The following ASXL2 variants were observed in gnomAD, a reference collection of about 807,000 sequenced individuals.
ASXL2 encodes putative Polycomb group protein ASXL2.
Under a neutral mutation model 122.0 loss-of-function variants are expected in ASXL2, and 23 were observed. The ratio of observed to expected loss-of-function variants is 0.19; its 90% CI spans 0.14 to 0.27. The LOEUF is 0.27. Among genes scored for constraint, ASXL2 ranks in the 10% least tolerant of loss-of-function variants. The pLI is 1.00. For synonymous variants in ASXL2, 650 were observed against 637.0 expected (o/e 1.02, Z -0.31); for missense variants, 1,518 against 1,713.8 (o/e 0.89, Z 2.02).
At chr2:25,871,480 CA>C (rs1206421682) in intron 1 of ASXL2, among the ~76,000 whole-genome samples, 4 of 143,972 alleles carry the variant, frequency 2.8e-5, no homozygotes, top group African/African-American at 7.9e-5. Context: ...TTTAAGTGTT[CA>C]AAAAAAAATC....
rs752902849 is a variant in ASXL2 at position 25,742,463 on chromosome 2, T to C, written c.3874A>G (p.Thr1292Ala). 3 of 1,612,940 alleles carry C rather than the reference T, an allele frequency of 1.9e-6. No homozygotes were observed. The highest frequency in any genetic ancestry group is 2.5e-6 in the Non-Finnish European group (3 of 1,179,398). The stretch of plus-strand genomic sequence containing the variant: ...CTGTCTGCAGGCAGAGGAAGAACAG[T>C]AGAACTGAAAAGCTCGGGGCTGCTA... ...IRSSPELFSS[T>A]VLPLPADSPT... Residue 1292 changes from threonine to alanine, a missense_variant, in exon 13 of 13, where the codon ACT (threonine) becomes GCT (alanine). Transcript: ENST00000435504.
At chr2:25,845,664 C>T (rs887143146) in intron 1 of ASXL2, 101 bp from the exon 2 acceptor site, 2 of 450,990 alleles carry the variant, frequency 4.4e-6, no homozygotes, top group Non-Finnish European at 6.9e-6. Context: ...AAATTAATAA[C>T]CCAATTATTC....
At chr2:25,765,718 A>G (rs1474206699) in intron 8 of ASXL2, among the ~76,000 whole-genome samples, 1 of 152,112 alleles carries the variant, frequency 6.6e-6, no homozygotes, top group African/African-American at 2.4e-5. Context: ...GTACCTCTAC[A>G]TTTCTTTTGC....
At chr2:25,850,292 T>C (rs1257066388) in intron 1 of ASXL2, among the ~76,000 whole-genome samples, 1 of 152,338 alleles carries the variant, frequency 6.6e-6, no homozygotes. Context: ...ACAGTTGGTT[T>C]GTTCAAATCA....
chr2:25,830,382 A>G (rs776594776), intron 3 of ASXL2, among the ~76,000 whole-genome samples: 1 of 152,244 alleles, frequency 6.6e-6, no homozygotes, highest in Non-Finnish European at 1.5e-5. Flanking sequence ...CTGTAATCCC[A>G]GCACTTTGGG....
chr2:25,784,915 A>C (rs903361895), intron 5 of ASXL2, among the ~76,000 whole-genome samples: 4 of 152,256 alleles, frequency 2.6e-5, no homozygotes, highest in East Asian at 1.9e-4. Flanking sequence ...AATTTGAAGC[A>C]TAACACTTGT....
At chr2:25,836,681 C>T (rs2089515694) in intron 2 of ASXL2, among the ~76,000 whole-genome samples, 1 of 152,204 alleles carries the variant, frequency 6.6e-6, no homozygotes, top group South Asian at 2.1e-4. Flanking sequence ...CTGGGTGGTT[C>T]CCAGAGTTCT....
intron 5 of ASXL2, among the ~76,000 whole-genome samples, chr2:25,792,386 T>C (rs1168784225): frequency 6.6e-6 from 1 of 152,210 alleles, no homozygotes; most frequent in Non-Finnish European, 1.5e-5. Flanking sequence ...ATTATAACTT[T>C]ATCCTCCAAT....
intron 3 of ASXL2, among the ~76,000 whole-genome samples, chr2:25,817,926 T>C (rs1423386626): frequency 6.6e-6 from 1 of 152,216 alleles, no homozygotes. Context: ...CTGAGAAAAC[T>C]AGTGGTTTTA....
intron 1 of ASXL2, among the ~76,000 whole-genome samples, chr2:25,846,243 C>G (rs1157812478): frequency 6.6e-6 from 1 of 152,172 alleles, no homozygotes; most frequent in Non-Finnish European, 1.5e-5. Context: ...GTTTTTCCCC[C>G]CTTTCCTTTT....
Position 25,854,206 on chromosome 2 carries a change from C to T in ASXL2, c.58-8643G>A, listed in dbSNP as rs527243364. ...TTATCCAAAAAGTCTGGAGGTTATA[C>T]ACACTCCCTAGTTCAAGAAAAAAAG... On this transcript the variant is annotated intron_variant, in intron 1 of 12. Transcript: ENST00000435504. 8.3e-4 allele frequency among the ~76,000 whole-genome samples: 126 copies of T among 152,288 alleles called. 1 individual carries two copies. In the South Asian group the frequency reaches 0.025, roughly 31 times the overall value.
intron 1 of ASXL2, among the ~76,000 whole-genome samples, chr2:25,849,003 C>A (rs2089684280): frequency 7.5e-6 from 1 of 134,130 alleles, no homozygotes; most frequent in African/African-American, 2.9e-5. Context: ...TGAGATCACA[C>A]CATTGCGCTC....
intron 5 of ASXL2, among the ~76,000 whole-genome samples, chr2:25,783,460 C>T (rs539663915): frequency 8.6e-5 from 13 of 151,052 alleles, no homozygotes; most frequent in African/African-American, 3.2e-4. Context: ...CATTTAAAAA[C>T]CAACCTTTTC....
chr2:25,850,907 G>A (rs1330222088), intron 1 of ASXL2, among the ~76,000 whole-genome samples: 2 of 152,176 alleles, frequency 1.3e-5, no homozygotes, highest in Non-Finnish European at 2.9e-5. Context: ...AGCAGGCCAA[G>A]GCAGGTGGAC....
At chr2:25,848,719 C>T (rs765755848) in intron 1 of ASXL2, among the ~76,000 whole-genome samples, 7 of 151,914 alleles carry the variant, frequency 4.6e-5, no homozygotes, top group Non-Finnish European at 4.4e-5. Flanking sequence ...ATGTTCTGTA[C>T]TTTAATCAAA....
At chr2:25,791,537 A>C (rs930013460) in intron 5 of ASXL2, among the ~76,000 whole-genome samples, 1 of 151,822 alleles carries the variant, frequency 6.6e-6, no homozygotes, top group African/African-American at 2.4e-5. Context: ...GTAAATAATA[A>C]GACTATCACT....
intron 5 of ASXL2, among the ~76,000 whole-genome samples, chr2:25,786,978 G>GC (rs1491469915): frequency 1.9e-5 from 2 of 106,628 alleles, no homozygotes; most frequent in Non-Finnish European, 4.6e-5. Context: ...GTACAAAATG[G>GC]CAAAAAAAAA....
chr2:25,742,929 C>T lies in ASXL2; in HGVS notation c.3408G>A (p.Glu1136=). 1 of 1,613,996 alleles carries T rather than the reference C, an allele frequency of 6.2e-7. No individual in the cohort carries two copies. The highest frequency in any genetic ancestry group is 8.5e-7 in the Non-Finnish European group (1 of 1,179,890). The change falls in exon 13 of 13, where the codon GAG becomes GAA. Residue 1136 remains glutamate, a synonymous_variant. Transcript: ENST00000435504. Reference sequence around the variant, plus strand: ...TTACAGAATGGGTCCTCCTAAAGCTCTCTGAGCCCCGGCCGTAGGTAGAAA... The same window carrying T: ...TTACAGAATGGGTCCTCCTAAAGCTTTCTGAGCCCCGGCCGTAGGTAGAAA... ...LNISTYGRGS[E]SFRRTHSVNP...
chr2:25,759,683 C>T, intron 8 of ASXL2, 38 bp from the exon 9 acceptor site: 2 of 1,586,088 alleles, frequency 1.3e-6, no homozygotes, highest in Non-Finnish European at 8.6e-7. Context: ...GCCTCCCTCA[C>T]AAGTCCTGTT....
Sources: gnomAD v4.1 joint callset for allele counts (sites outside exome capture counted in the v4.1 genomes callset) on GRCh38, gnomAD v4.1.1 for gene constraint, MANE v1.5 for transcripts, NCBI Gene and HGNC (gene_info 2026-07-23, HGNC 2026-07-21) for gene names.